Variants in GTF2A1L observed in about 807,000 individuals in gnomAD.
The protein encoded by GTF2A1L is TFIIA-alpha and beta-like factor.
In GTF2A1L, 48 loss-of-function variants were observed where a neutral mutation model predicts 49.7. The ratio of observed to expected loss-of-function variants is 0.97; its 90% CI spans 0.77 to 1.23. GTF2A1L has a LOEUF of 1.23. Among genes scored for constraint, GTF2A1L ranks in the 50% most tolerant of loss-of-function variants. The pLI is 0.00. For synonymous variants in GTF2A1L, 246 were observed against 193.5 expected, an observed-to-expected ratio of 1.27 and a Z score of -2.25; for missense variants, 736 against 564.8, an observed-to-expected ratio of 1.30 and a Z score of -3.07.
intron 3 of GTF2A1L, among the ~76,000 whole-genome samples, chr2:48,638,172 T>C (rs576531632): frequency 6.6e-6 from 1 of 152,248 alleles, no homozygotes; most frequent in African/African-American, 2.4e-5. Context: ...CTGCTACTAT[T>C]CTTACTGAAA....
chr2:48,625,956 C>T (rs1255987690), intron 3 of GTF2A1L, among the ~76,000 whole-genome samples: 2 of 144,062 alleles, frequency 1.4e-5, no homozygotes, highest in African/African-American at 4.9e-5. Context: ...CATTGTCAAA[C>T]AGGTTTTCCT....
intron 6 of GTF2A1L, among the ~76,000 whole-genome samples, chr2:48,647,751 C>G (rs1363770473): frequency 2.0e-5 from 3 of 151,960 alleles, no homozygotes; most frequent in African/African-American, 7.2e-5. Flanking sequence ...TTCTAGTTAA[C>G]TTTTGATATT....
intron 1 of GTF2A1L, among the ~76,000 whole-genome samples, chr2:48,618,390 C>G (rs1204007953): frequency 6.6e-6 from 1 of 152,302 alleles, no homozygotes; most frequent in Middle Eastern, 3.4e-3. Flanking sequence ...AGTGTACAAC[C>G]TACATTACCC....
chr2:48,652,283 A>T (rs1434049722), intron 6 of GTF2A1L, among the ~76,000 whole-genome samples: 1 of 152,068 alleles, frequency 6.6e-6, no homozygotes, highest in Non-Finnish European at 1.5e-5. Context: ...TCAACAGAAG[A>T]TCTTGTGGCT....
chr2:48,674,833 G>T (rs12472054), intron 8 of GTF2A1L, among the ~76,000 whole-genome samples: 1 of 151,832 alleles, frequency 6.6e-6, no homozygotes, highest in East Asian at 1.9e-4. Flanking sequence ...ATAGATAGAG[G>T]TGATATTAAA....
intron 6 of GTF2A1L, among the ~76,000 whole-genome samples, chr2:48,650,370 C>T (rs1186544796): frequency 6.6e-6 from 1 of 152,050 alleles, no homozygotes; most frequent in Non-Finnish European, 1.5e-5. Flanking sequence ...GAGGCTTAGT[C>T]ATCAATATTT....
At chr2:48,630,490 A>G (rs1268657175) in intron 3 of GTF2A1L, among the ~76,000 whole-genome samples, 1 of 144,234 alleles carries the variant, frequency 6.9e-6, no homozygotes, top group Non-Finnish European at 1.6e-5. Flanking sequence ...TTAACTGAAG[A>G]CATGTATTAG....
chr2:48,663,132 C>T (rs374702105), intron 6 of GTF2A1L, among the ~76,000 whole-genome samples: 17 of 152,128 alleles, frequency 1.1e-4, no homozygotes, highest in Middle Eastern at 3.4e-3. Context: ...TAAAATATTA[C>T]GCATTCTAAA....
intron 8 of GTF2A1L, among the ~76,000 whole-genome samples, chr2:48,674,922 G>T (rs1679385020): frequency 6.6e-6 from 1 of 152,054 alleles, no homozygotes; most frequent in South Asian, 2.1e-4. Flanking sequence ...AAAAATTAAT[G>T]GAAAGCAGGG....
chr2:48,678,320 A>G (rs1395067054), intron 8 of GTF2A1L, among the ~76,000 whole-genome samples: 1 of 151,962 alleles, frequency 6.6e-6, no homozygotes. Flanking sequence ...GATTTTTAAG[A>G]CACGTGCAAG....
chr2:48,669,862 A>G lies in GTF2A1L; in HGVS notation c.1119A>G (p.Leu373=), dbSNP rs767839184. Residue 373 remains leucine (L), a synonymous_variant, in exon 7 of 9, where the codon CTA becomes CTG. Transcript: ENST00000403751. Reference sequence around the variant, plus strand: ...GAGATGCAGATGAGAATGAATTTCTAGGGAATATTGACGGGGGAGATCTGA... The same window carrying G: ...GAGATGCAGATGAGAATGAATTTCTGGGGAATATTGACGGGGGAGATCTGA... ...STRDADENEF[L]GNIDGGDLKV... is the part of the protein sequence containing the mutation. 3 of 1,614,092 alleles carry G rather than the reference A, an allele frequency of 1.9e-6. No individual in the cohort carries two copies. The highest frequency in any genetic ancestry group is 3.3e-4 in the Middle Eastern group (2 of 6,060).
intron 3 of GTF2A1L, among the ~76,000 whole-genome samples, chr2:48,627,222 G>C (rs544027860): frequency 6.9e-6 from 1 of 144,260 alleles, no homozygotes; most frequent in East Asian, 1.9e-4. Flanking sequence ...CATTTTAATA[G>C]TATTTTCAGA....
intron 6 of GTF2A1L, among the ~76,000 whole-genome samples, chr2:48,653,001 G>A (rs1320985651): frequency 5.9e-5 from 9 of 151,892 alleles, no homozygotes; most frequent in East Asian, 3.9e-4. Context: ...AGGCTGAGGC[G>A]GGTGGATCAC....
Position 48,646,583 on chromosome 2 carries a change from A to T in GTF2A1L, c.519A>T (p.Pro173=). The part of the protein sequence containing the change: ...GQPSVIQTSV[P]QLNPWSLQAT... ...CTTCAGTAATACAAACTAGTGTTCC[A>T]CAATTGAATCCATGGTCTCTTCAAG... Residue 173 remains proline (P), a synonymous_variant, in exon 6 of 9, where the codon CCA becomes CCT. Transcript: ENST00000403751. 1 of 1,614,184 alleles carries T rather than the reference A, an allele frequency of 6.2e-7. No homozygotes were observed. The highest frequency in any genetic ancestry group is 8.5e-7 in the Non-Finnish European group (1 of 1,180,038).
At chr2:48,621,327 T>A (rs772003453) in intron 3 of GTF2A1L, 37 bp downstream of exon 3, 1 of 1,613,016 alleles carries the variant, frequency 6.2e-7, no homozygotes, top group South Asian at 1.1e-5. Context: ...TGTTAGTATC[T>A]TCAGAACAAA....
At position 48,646,903 on chromosome 2, in the gene GTF2A1L, C is replaced by T; in HGVS notation, c.839C>T (p.Ser280Phe). 6.2e-7 allele frequency: 1 copy of T among 1,614,164 alleles called. No homozygotes were observed. Among genetic ancestry groups the T allele is most frequent in the Non-Finnish European group, 8.5e-7 (1 of 1,180,028 alleles). Residue 280 changes from serine to phenylalanine, a missense_variant, in exon 6 of 9, where the codon TCC (serine) becomes TTC (phenylalanine). Transcript: ENST00000403751. The stretch of plus-strand genomic sequence containing the variant: ...CAAAATCTGCATGATGAGTCCCTCT[C>T]CACAAGCCCTCATGGGGCTCTCCAC... ...MAQNLHDESL[S>F]TSPHGALHQH...
chr2:48,659,599 A>G (rs897380147), intron 6 of GTF2A1L, among the ~76,000 whole-genome samples: 3 of 152,078 alleles, frequency 2.0e-5, no homozygotes, highest in South Asian at 2.1e-4. Context: ...TTTTGAATCC[A>G]TGAACTTGGG....
At chr2:48,618,418 A>G (rs567692610) in intron 1 of GTF2A1L, among the ~76,000 whole-genome samples, 17 of 152,304 alleles carry the variant, frequency 1.1e-4, no homozygotes, top group South Asian at 6.2e-4. Context: ...TCTAACGGAC[A>G]CTTAATTTGC....
intron 3 of GTF2A1L, among the ~76,000 whole-genome samples, chr2:48,624,381 C>T (rs114979558): frequency 7.0e-6 from 1 of 143,800 alleles, no homozygotes; most frequent in African/African-American, 2.5e-5. Context: ...ATGAGGTTTG[C>T]AGAAATGAGC....
Sources: allele counts gnomAD v4.1 joint callset (sites outside exome capture counted in the v4.1 genomes callset), GRCh38; gene constraint gnomAD v4.1.1; transcripts MANE v1.5; gene names NCBI Gene and HGNC (gene_info 2026-07-23, HGNC 2026-07-21).